CIMIP4: variants seen among roughly 807,000 people sequenced by gnomAD.
CIMIP4 encodes protein EAN57.
the CIMIP4 span, among the ~76,000 whole-genome samples, chr22:36,991,962 A>T: frequency 1.3e-5 from 2 of 152,230 alleles, no homozygotes; most frequent in East Asian, 3.8e-4. Context: ...GCACAAGCAG[A>T]TACGTTGCAA....
At chr22:37,006,639 G>A in the CIMIP4 span, among the ~76,000 whole-genome samples, 1 of 152,180 alleles carries the variant, frequency 6.6e-6, no homozygotes, top group Admixed American at 6.5e-5. Flanking sequence ...TGCTTTAATA[G>A]GATGAGAATT....
the CIMIP4 span, among the ~76,000 whole-genome samples, chr22:36,997,552 G>A: frequency 3.3e-5 from 5 of 152,198 alleles, no homozygotes; most frequent in South Asian, 2.1e-4. Context: ...CCAAAATAGC[G>A]CAGGTGCACT....
chr22:37,003,228 A>G, the CIMIP4 span, among the ~76,000 whole-genome samples: 2 of 152,188 alleles, frequency 1.3e-5, no homozygotes, highest in Non-Finnish European at 2.9e-5. Context: ...AAAAATACAG[A>G]TGCCTGGGAC....
the CIMIP4 span, among the ~76,000 whole-genome samples, chr22:37,000,262 A>G: frequency 0.65 from 99,421 of 151,846 alleles, 33,373 homozygotes; most frequent in African/African-American, 0.8. Context: ...CAACATTGGG[A>G]CGGGGGGTCT....
chr22:36,991,531 T>C, the CIMIP4 span: 112 of 1,614,160 alleles, frequency 6.9e-5, no homozygotes, highest in Non-Finnish European at 9.3e-5. Context: ...CCTCACTGAT[T>C]TCTCAATGAC....
the CIMIP4 span, among the ~76,000 whole-genome samples, chr22:36,992,972 T>A: frequency 1.3e-5 from 2 of 150,160 alleles, no homozygotes; most frequent in Admixed American, 1.3e-4. Flanking sequence ...TAAGCTGAGG[T>A]GGAGGTCGGG....
At chr22:36,991,769 A>G in the CIMIP4 span, among the ~76,000 whole-genome samples, 261 of 152,310 alleles carry the variant, frequency 1.7e-3, 1 homozygote, top group African/African-American at 5.9e-3. Flanking sequence ...ATTTATGGGT[A>G]GTATAGCCTC....
chr22:36,995,472 C>T, the CIMIP4 span, among the ~76,000 whole-genome samples: 1 of 152,198 alleles, frequency 6.6e-6, no homozygotes, highest in South Asian at 2.1e-4. Context: ...ACACAAAGGG[C>T]CACTCACCGT....
At chr22:37,007,458 C>G in the CIMIP4 span, 10 of 152,212 alleles carry the variant, frequency 6.6e-5, no homozygotes, top group African/African-American at 2.4e-4. Flanking sequence ...CTCCTCCTAT[C>G]CCCAGCCACC....
At chr22:36,997,419 C>T in the CIMIP4 span, among the ~76,000 whole-genome samples, 1 of 152,210 alleles carries the variant, frequency 6.6e-6, no homozygotes, top group Non-Finnish European at 1.5e-5. Context: ...TCCTCTCTCA[C>T]CCCAAAATCT....
the CIMIP4 span, among the ~76,000 whole-genome samples, chr22:36,996,374 G>T: frequency 6.6e-6 from 1 of 151,712 alleles, no homozygotes; most frequent in Non-Finnish European, 1.5e-5. Flanking sequence ...TTGCATTTGT[G>T]TATACGGTAT....
the CIMIP4 span, among the ~76,000 whole-genome samples, chr22:37,004,825 T>G: frequency 6.6e-6 from 1 of 151,982 alleles, no homozygotes; most frequent in African/African-American, 2.4e-5. Context: ...GTAGCTGGGA[T>G]TACAGGTGTG....
chr22:37,004,091 G>T, the CIMIP4 span: 1 of 1,434,460 alleles, frequency 7.0e-7, no homozygotes, highest in Non-Finnish European at 9.4e-7. Context: ...ACAAGGATGA[G>T]CTGGGAGCTG....
At chr22:37,002,188 C>G in the CIMIP4 span, 1 of 1,489,218 alleles carries the variant, frequency 6.7e-7, no homozygotes, top group East Asian at 2.5e-5. Context: ...GTGGGGATGA[C>G]AGACCCTGGT....
chr22:36,991,226 C>T, the CIMIP4 span: 1 of 1,614,188 alleles, frequency 6.2e-7, no homozygotes, highest in Non-Finnish European at 8.5e-7. Context: ...TATTTCTCTT[C>T]CAGTGCTTTC....
chr22:36,991,344 C>A, the CIMIP4 span: 3 of 1,579,086 alleles, frequency 1.9e-6, no homozygotes, highest in Non-Finnish European at 2.6e-6. Flanking sequence ...TGCCCAGACC[C>A]CAGGGATGAC....
chr22:36,998,860 C>T, the CIMIP4 span, among the ~76,000 whole-genome samples: 1 of 152,158 alleles, frequency 6.6e-6, no homozygotes, highest in Non-Finnish European at 1.5e-5. Context: ...CTGACAGCTA[C>T]TGAGTGCTCA....
the CIMIP4 span, among the ~76,000 whole-genome samples, chr22:36,993,503 G>A: frequency 5.3e-5 from 8 of 151,196 alleles, no homozygotes; most frequent in Non-Finnish European, 1.2e-4. Flanking sequence ...AGAAAAAGAA[G>A]CCACAAAGAA....
chr22:36,995,017 A>T, the CIMIP4 span, among the ~76,000 whole-genome samples: 1 of 152,330 alleles, frequency 6.6e-6, no homozygotes, highest in South Asian at 2.1e-4. Flanking sequence ...ATTTCAAAGG[A>T]TTGAAATCAT....
Sources: gnomAD v4.1 joint callset for allele counts (sites outside exome capture counted in the v4.1 genomes callset) on GRCh38, gnomAD v4.1.1 for gene constraint, MANE v1.5 for transcripts, NCBI Gene and HGNC (gene_info 2026-07-23, HGNC 2026-07-21) for gene names.